SERPINB6: variants seen among roughly 807,000 people sequenced by gnomAD.
SERPINB6 encodes the protein serpin B6.
In SERPINB6, 16 loss-of-function variants were observed where a neutral mutation model predicts 26.1. The ratio of observed to expected loss-of-function variants is 0.61; its 90% CI spans 0.42 to 0.93. The LOEUF (loss-of-function observed/expected upper bound fraction) is 0.93. Among genes scored for constraint, SERPINB6 ranks in the 40% least tolerant of loss-of-function variants. The pLI is 0.00. For synonymous variants in SERPINB6, 174 were observed against 176.6 expected (o/e 0.99, Z 0.11); for missense variants, 420 against 478.0 (o/e 0.88, Z 1.13).
intron 5 of SERPINB6, among the ~76,000 whole-genome samples, chr6:2,952,262 A>C (rs1264902200): frequency 1.3e-5 from 2 of 152,370 alleles, no homozygotes; most frequent in Non-Finnish European, 1.5e-5. Context: ...AATGAAAATA[A>C]ATTTCTTGAA....
In SERPINB6 at chr6:2,954,711, T is replaced by C; in HGVS notation, c.313-2A>G. The C allele has an allele frequency of 6.2e-7, 1 of 1,607,234 alleles. No homozygotes were observed. Among genetic ancestry groups the C allele is most frequent in the South Asian group, 1.1e-5 (1 of 90,964 alleles). On this transcript the variant is annotated splice_acceptor_variant, in intron 3 of 6. Coordinates refer to ENST00000380539, the MANE Select transcript of SERPINB6 (RefSeq NM_004568.6). LOFTEE classifies it high-confidence loss of function. ...TTTTTGGCAGGAATCTCTAAAAGAC[T>C]AGGATAGACAGAGTGACATAACTGC...
At chr6:2,964,948 A>G (rs1434574310) in intron 1 of SERPINB6, among the ~76,000 whole-genome samples, 1 of 152,162 alleles carries the variant, frequency 6.6e-6, no homozygotes, top group Non-Finnish European at 1.5e-5. Context: ...GCAATCCTTT[A>G]GCGTCAGCCT....
rs751225761 is a variant in SERPINB6 at position 2,955,604 on chromosome 6, C to A, written c.232G>T (p.Glu78Ter). The A allele has an allele frequency of 3.1e-6, 5 of 1,614,072 alleles. No homozygotes were observed. The highest frequency in any genetic ancestry group is 3.4e-6 in the Non-Finnish European group (4 of 1,180,044). The change falls in exon 3 of 7, where the codon GAA becomes TAA. Residue 78 changes from glutamate to a stop codon, truncating the protein, a stop_gained. Coordinates refer to ENST00000380539, the MANE Select transcript of SERPINB6 (RefSeq NM_004568.6). LOFTEE classifies it high-confidence loss of function. ...TACTGCGTGCCAGTCTTGTTCACTT[C>A]GGTGAGAAGAGACTGGAAGCCCTGG... ...IHQGFQSLLTEVNKTGTQYLL... is the reference protein window; with the variant it reads ...IHQGFQSLLT
intron 1 of SERPINB6, among the ~76,000 whole-genome samples, chr6:2,965,988 G>T (rs961414668): frequency 1.4e-4 from 21 of 152,162 alleles, no homozygotes; most frequent in Admixed American, 1.4e-3. Flanking sequence ...ATTTTATAAG[G>T]CCTCAACCAA....
In SERPINB6 at chr6:2,961,988, G is replaced by A. The variant is rs562395041; in HGVS notation, c.-10-2646C>T. ...TGATCTTCCTGCCTCAGCCTCCCAA[G>A]GTGCTGAGATTACAGCCATGCACCA... On this transcript the variant is annotated intron_variant, in intron 1 of 6. Transcript: ENST00000380539. The A allele has an allele frequency of 8.1e-6, 8 of 984,910 alleles. No individual in the cohort carries two copies. The South Asian group carries it at 2.8e-4, about 35-fold the overall frequency. The allele number at this position is 984,910 out of a possible 1,614,324, so 61.0% of individuals were successfully genotyped here.
chr6:2,961,850 AC>A, intron 1 of SERPINB6: 6 of 984,068 alleles, frequency 6.1e-6, no homozygotes, highest in Non-Finnish European at 7.2e-6. Context: ...AGACTATTCT[AC>A]CGTCAGCACA....
intron 1 of SERPINB6, chr6:2,960,040 G>A (rs3799197): frequency 0.016 from 2,608 of 159,432 alleles, 44 homozygotes; most frequent in South Asian, 0.059. Flanking sequence ...TGCCTCATGG[G>A]CTGTGGGTGC....
chr6:2,967,168 C>A lies in SERPINB6; in HGVS notation c.-11+4365G>T, dbSNP rs1225378717. On this transcript the variant is annotated intron_variant, in intron 1 of 6. Transcript: ENST00000380539. The surrounding 1 kb of genome is among the most constrained non-coding windows in gnomAD (Gnocchi z 4.3). Reference sequence around the variant, plus strand: ...GTGCAGAGCTCCAGCCACCCAGACTCCTCGAGTTGGAGGGATCTGTTAACC... The same window carrying A: ...GTGCAGAGCTCCAGCCACCCAGACTACTCGAGTTGGAGGGATCTGTTAACC... 1 of 985,318 alleles carries A rather than the reference C, an allele frequency of 1.0e-6. No individual in the cohort carries two copies. Among genetic ancestry groups the A allele is most frequent in the Non-Finnish European group, 1.2e-6 (1 of 829,956 alleles). The allele number at this position is 985,318 out of a possible 1,614,324, so 61.0% of individuals were successfully genotyped here.
chr6:2,953,033 C>T lies in SERPINB6; in HGVS notation c.573+11G>A. ...ACACAGGCGCTGCTCCTGTCACGGC[C>T]CCTTACTCGCCTTGCTGACTTTAAA... is the stretch of plus-strand genomic sequence containing the variant. On this transcript the variant is annotated intron_variant, in intron 5 of 6. Transcript: ENST00000380539. 2 of 1,614,148 alleles carry T rather than the reference C, an allele frequency of 1.2e-6. No homozygotes were observed. The highest frequency in any genetic ancestry group is 1.7e-6 in the Non-Finnish European group (2 of 1,180,042).
chr6:2,970,680 T>TA, intron 1 of SERPINB6: 2 of 1,215,782 alleles, frequency 1.6e-6, no homozygotes, highest in Non-Finnish European at 2.0e-6. Context: ...GAACATTAAT[T>TA]ATTAATTTTC....
At position 2,967,343 on chromosome 6, in the gene SERPINB6, G is replaced by A. The variant is rs1202214176; in HGVS notation, c.-11+4190C>T. On this transcript the variant is annotated intron_variant, in intron 1 of 6. Transcript: ENST00000380539. The surrounding 1 kb of genome is among the most constrained non-coding windows in gnomAD (Gnocchi z 4.3). ...AAAGCCAAAACTATAAAAAACCCTG[G>A]AAGACAATCTAGGCAATACCATTCT... 8 of 421,506 alleles carry A rather than the reference G, an allele frequency of 1.9e-5. No homozygotes were observed. The highest frequency in any genetic ancestry group is 2.5e-5 in the Non-Finnish European group (8 of 314,832). 26.1% of individuals were successfully genotyped at this position (421,506 alleles called of 1,614,324 possible).
rs968789699 is a variant in SERPINB6 at position 2,954,717 on chromosome 6, AGACAGAGT to A, written c.313-16_313-9del. The stretch of plus-strand genomic sequence containing the variant: ...GCAGGAATCTCTAAAAGACTAGGAT[AGACAGAGT>A]GACATAACTGCCTGGCTACAAAAAT... On this transcript the variant is annotated splice_polypyrimidine_tract_variant and intron_variant, in intron 3 of 6. Transcript: ENST00000380539. 29 of 1,598,058 alleles carry A rather than the reference AGACAGAGT, an allele frequency of 1.8e-5. No homozygotes were observed. The African/African-American group carries it at 3.6e-4, about 20-fold the overall frequency.
chr6:2,958,628 G>A (rs1770762879), intron 2 of SERPINB6, among the ~76,000 whole-genome samples: 1 of 152,144 alleles, frequency 6.6e-6, no homozygotes, highest in Non-Finnish European at 1.5e-5. Flanking sequence ...CGCTGACGCA[G>A]CCCACAAGGG....
chr6:2,960,559 A>T (rs932390062), intron 1 of SERPINB6: 1 of 152,296 alleles, frequency 6.6e-6, no homozygotes, highest in African/African-American at 2.4e-5. Context: ...AGTCCCAGTG[A>T]CTCACTTGAG....
At chr6:2,971,445 C>G (rs899025452) in intron 1 of SERPINB6, 88 bp downstream of exon 1, 3 of 153,042 alleles carry the variant, frequency 2.0e-5, no homozygotes, top group Non-Finnish European at 2.9e-5. Flanking sequence ...ACCCTGCCCC[C>G]CTCCCCGCTC....
intron 1 of SERPINB6, among the ~76,000 whole-genome samples, chr6:2,965,253 A>G (rs1018510287): frequency 1.3e-5 from 2 of 152,110 alleles, no homozygotes; most frequent in Admixed American, 6.5e-5. Context: ...TACTTTTTTC[A>G]TATGCTTCGA....
chr6:2,952,172 G>T (rs564081510), intron 5 of SERPINB6, among the ~76,000 whole-genome samples: 19 of 152,300 alleles, frequency 1.2e-4, no homozygotes, highest in African/African-American at 3.8e-4. Context: ...AAATTATTTT[G>T]CCAGGGGAAA....
At chr6:2,971,062 C>T in intron 1 of SERPINB6, 1 of 1,168,694 alleles carries the variant, frequency 8.6e-7, no homozygotes, top group Non-Finnish European at 1.1e-6. Context: ...CACGCGTCCT[C>T]CGGGTCGCGG....
At position 2,967,590 on chromosome 6, in the gene SERPINB6, T is replaced by C. The variant is rs1323381173; in HGVS notation, c.-11+3943A>G. On this transcript the variant is annotated intron_variant, in intron 1 of 6. Transcript: ENST00000380539. The surrounding 1 kb of genome is among the most constrained non-coding windows in gnomAD (Gnocchi z 4.3). The stretch of plus-strand genomic sequence containing the variant: ...AGCATCTATATGGAACTTAAACAAA[T>C]TTACAAGAAGAAAACAAACAACTCC... The C allele has an allele frequency of 6.6e-6, 1 of 152,018 alleles. No homozygotes were observed. The highest frequency in any genetic ancestry group is 1.9e-4 in the East Asian group (1 of 5,186). 9.4% of individuals were successfully genotyped at this position (152,018 alleles called of 1,614,324 possible).
Sources: allele counts gnomAD v4.1 joint callset (sites outside exome capture counted in the v4.1 genomes callset), GRCh38; gene constraint gnomAD v4.1.1; non-coding constraint Gnocchi (gnomAD v3.1); transcripts MANE v1.5; gene names NCBI Gene and HGNC (gene_info 2026-07-23, HGNC 2026-07-21).